ADCY7: variants seen among roughly 807,000 people sequenced by gnomAD.
ADCY7 encodes the protein adenylate cyclase type 7.
Under a neutral mutation model 120.6 loss-of-function variants are expected in ADCY7, and 72 were observed. That is an observed-to-expected ratio of 0.60 (90% CI 0.49 to 0.73). The LOEUF is 0.73. Among genes scored for constraint, ADCY7 ranks in the 30% least tolerant of loss-of-function variants. The pLI is 0.00. For missense variants in ADCY7, 1,227 were observed against 1,486.0 expected (o/e 0.83, Z 2.87); for synonymous variants, 661 against 628.0 (o/e 1.05, Z -0.78).
intron 14 of ADCY7, 113 bp from the exon 15 acceptor site, chr16:50,306,937 G>A (rs1448759703): frequency 6.4e-6 from 5 of 784,912 alleles, no homozygotes; most frequent in Non-Finnish European, 1.0e-5. Context: ...GGGATTACAA[G>A]CGTGAGCCAC....
chr16:50,291,802 G>C lies in ADCY7; in HGVS notation c.442G>C (p.Val148Leu), dbSNP rs1308934125. 6.2e-7 allele frequency: 1 copy of C among 1,614,130 alleles called. No individual in the cohort carries two copies. The highest frequency in any genetic ancestry group is 8.5e-7 in the Non-Finnish European group (1 of 1,179,986). Residue 148 changes from valine to leucine, a missense_variant, in exon 4 of 26, where the codon GTC (valine) becomes CTC (leucine). Physicochemically the swap from Val to Leu is conservative, Grantham distance 32. Coordinates refer to ENST00000673801, the MANE Select transcript of ADCY7 (RefSeq NM_001114.5). ...TLLPFSMRGA[V>L]AVGAVSTASH... is the part of the protein sequence containing the mutation. ...ACTGCCCTTCAGCATGCGGGGCGCT[G>C]TCGCCGTTGGGGCCGTCTCCACTGC... is the stretch of plus-strand genomic sequence containing the variant.
At position 50,313,017 on chromosome 16, in the gene ADCY7, T is replaced by C; in HGVS notation, c.2732T>C (p.Ile911Thr). The C allele has an allele frequency of 6.2e-7, 1 of 1,614,204 alleles. No individual in the cohort carries two copies. Among genetic ancestry groups the C allele is most frequent in the East Asian group, 2.2e-5 (1 of 44,886 alleles). The change falls in exon 22 of 26, where the codon ATC becomes ACC. Residue 911 changes from isoleucine (I) to threonine (T), a missense_variant. Ile to Thr is a moderately conservative substitution (Grantham distance 89). This residue lies in a region of ADCY7 where 244 missense variants were observed against 332.8 expected (regional missense o/e 0.73). Transcript: ENST00000673801. ...GLECLRLLNE[I>T]IADFDELLLK... The stretch of plus-strand genomic sequence containing the variant: ...GAGTGCCTACGCCTGCTCAATGAGA[T>C]CATTGCCGACTTCGACGAGGTACAG...
intron 1 of ADCY7, among the ~76,000 whole-genome samples, chr16:50,256,432 G>A (rs985119642): frequency 6.6e-6 from 1 of 152,228 alleles, no homozygotes; most frequent in African/African-American, 2.4e-5. Context: ...GCCAGGCGTG[G>A]TGGCTCACGC....
intron 12 of ADCY7, 102 bp from the exon 13 acceptor site, chr16:50,305,401 A>C: frequency 9.9e-7 from 1 of 1,013,826 alleles, no homozygotes. Flanking sequence ...TCACCATCCC[A>C]CCTGAGGTTC....
At chr16:50,313,272 C>A in intron 22 of ADCY7, 1 of 417,800 alleles carries the variant, frequency 2.4e-6, no homozygotes, top group Non-Finnish European at 4.4e-6. Flanking sequence ...CAAAAAATTA[C>A]AAGCTGGGCT....
Position 50,316,077 on chromosome 16 carries a change from C to G in ADCY7, c.*572C>G, listed in dbSNP as rs2036785536. The stretch of plus-strand genomic sequence containing the variant: ...AAAAACACCACAATTAACACTGTTA[C>G]TTTTTGCCTTGTCTGGCATGTTTGT... On this transcript the variant is annotated 3_prime_UTR_variant, in exon 26 of 26. Coordinates refer to ENST00000673801, the MANE Select transcript of ADCY7 (RefSeq NM_001114.5). 6.5e-6 allele frequency: 1 copy of G among 152,828 alleles called. No homozygotes were observed. The allele number at this position is 152,828 out of a possible 1,614,324, so 9.5% of individuals were successfully genotyped here.
chr16:50,299,111 C>T, intron 8 of ADCY7, 80 bp downstream of exon 8: 1 of 1,466,850 alleles, frequency 6.8e-7, no homozygotes, highest in Non-Finnish European at 9.0e-7. Flanking sequence ...GTGTCATTCT[C>T]ATGTCACAGA....
At chr16:50,270,351 C>A (rs546907247) in intron 1 of ADCY7, among the ~76,000 whole-genome samples, 1 of 152,314 alleles carries the variant, frequency 6.6e-6, no homozygotes, top group South Asian at 2.1e-4. Context: ...TCCAGCATCC[C>A]GCCTCCAGGC....
At chr16:50,256,154 G>A (rs2032912574) in intron 1 of ADCY7, among the ~76,000 whole-genome samples, 1 of 152,102 alleles carries the variant, frequency 6.6e-6, no homozygotes, top group Admixed American at 6.6e-5. Flanking sequence ...GATAGACTGG[G>A]AGAAAATATT....
At chr16:50,276,159 C>CA (rs1361687368) in intron 1 of ADCY7, among the ~76,000 whole-genome samples, 6 of 152,204 alleles carry the variant, frequency 3.9e-5, no homozygotes, top group African/African-American at 1.4e-4. Flanking sequence ...TTGGGTGGGA[C>CA]GGCTGCTCCC....
chr16:50,273,937 G>C (rs2033719001), intron 1 of ADCY7, among the ~76,000 whole-genome samples: 1 of 152,184 alleles, frequency 6.6e-6, no homozygotes, highest in African/African-American at 2.4e-5. Flanking sequence ...GGAGGTGCAG[G>C]CCCTGGGGAA....
At position 50,292,804 on chromosome 16, in the gene ADCY7, G is replaced by A. The variant is rs2035076581; in HGVS notation, c.666G>A (p.Leu222=). The A allele has an allele frequency of 1.2e-6, 2 of 1,613,676 alleles. No homozygotes were observed. The highest frequency in any genetic ancestry group is 2.7e-5 in the African/African-American group (2 of 75,038). The change falls in exon 5 of 26, where the codon CTG becomes CTA. Residue 222 remains leucine, a synonymous_variant. Transcript: ENST00000673801. ...AGTGCATCCAGATCCGCCGGAAGCT[G>A]CGCATCGAGAAGCGCCAGCAGGTGG... ...TVKCIQIRRK[L]RIEKRQQENL...
upstream of ADCY7, among the ~76,000 whole-genome samples, chr16:50,264,096 C>T (rs1383181741): frequency 2.0e-5 from 3 of 152,344 alleles, no homozygotes; most frequent in East Asian, 5.8e-4. Flanking sequence ...AGAACCTCCT[C>T]AGCCCCCAGA....
At chr16:50,263,801 G>C (rs1271286242), upstream of ADCY7, among the ~76,000 whole-genome samples, 1 of 150,552 alleles carries the variant, frequency 6.6e-6, no homozygotes, top group Admixed American at 6.6e-5. Context: ...CTTGGCCCCC[G>C]ATATCTCCCC....
chr16:50,304,313 C>A, intron 10 of ADCY7, 47 bp from the exon 11 acceptor site: 1 of 1,381,152 alleles, frequency 7.2e-7, no homozygotes, highest in Admixed American at 2.9e-5. Flanking sequence ...CTTCCTGGGC[C>A]GAGAGGGGAG....
chr16:50,255,122 C>A (rs373015218), intron 1 of ADCY7, among the ~76,000 whole-genome samples: 400 of 103,300 alleles, frequency 3.9e-3, no homozygotes, highest in Admixed American at 4.9e-3. Context: ...CTTGTCTCTA[C>A]AAAAAAAAAA....
In ADCY7 at chr16:50,309,599, C is replaced by A; in HGVS notation, c.2113C>A (p.Leu705Ile). 1 of 1,613,362 alleles carries A rather than the reference C, an allele frequency of 6.2e-7. No individual in the cohort carries two copies. Among genetic ancestry groups the A allele is most frequent in the Non-Finnish European group, 8.5e-7 (1 of 1,180,006 alleles). Residue 705 changes from leucine to isoleucine, a missense_variant, in exon 18 of 26, where the codon CTA becomes ATA. Leu to Ile is a conservative substitution (Grantham distance 5, BLOSUM62 2). Transcript: ENST00000673801. ...PELPVGNETG[L>I]LAASSKTRAL... The stretch of plus-strand genomic sequence containing the variant: ...GCTGCCTGTTGGCAATGAGACAGGC[C>A]TACTGGCCGCGAGCAGCAAGACAAG...
chr16:50,300,703 A>G lies in ADCY7; in HGVS notation c.1077-12A>G. ...TAGGCAGGGCTGGGGTGACTGGGCCACTCTGCCCCAGGCAGGTGCGGGAGG... is the reference window on the plus strand; with the variant it reads ...TAGGCAGGGCTGGGGTGACTGGGCCGCTCTGCCCCAGGCAGGTGCGGGAGG... On this transcript the variant is annotated splice_polypyrimidine_tract_variant and intron_variant, in intron 8 of 25. Coordinates refer to ENST00000673801, the MANE Select transcript of ADCY7 (RefSeq NM_001114.5). 2 of 1,551,202 alleles carry G rather than the reference A, an allele frequency of 1.3e-6. No homozygotes were observed. The highest frequency in any genetic ancestry group is 1.7e-6 in the Non-Finnish European group (2 of 1,146,802).
chr16:50,298,034 C>T (rs921263331), intron 7 of ADCY7, among the ~76,000 whole-genome samples: 3 of 152,042 alleles, frequency 2.0e-5, no homozygotes, highest in South Asian at 2.1e-4. Context: ...AGAGGGCTCT[C>T]GGGGGTCCCC....
Sources: gnomAD v4.1 joint callset for allele counts (sites outside exome capture counted in the v4.1 genomes callset) on GRCh38, gnomAD v4.1.1 for gene constraint, gnomAD v4.1.1 regional missense constraint, MANE v1.5 for transcripts, NCBI Gene and HGNC (gene_info 2026-07-23, HGNC 2026-07-21) for gene names.